The following NKAIN2 variants were observed in gnomAD, a reference collection of about 807,000 sequenced individuals.
NKAIN2 encodes the protein sodium/potassium transporting ATPase interacting 2, also known as sodium/potassium-transporting ATPase subunit beta-1-interacting protein 2.
A neutral mutation model predicts 32.6 loss-of-function variants in NKAIN2; 14 were observed. The observed-to-expected ratio is 0.43, with a 90% CI of 0.28 to 0.67. The LOEUF is 0.67. Ranked by LOEUF, NKAIN2 falls within the 30% of genes least tolerant of loss-of-function variation. NKAIN2 has a pLI of 0.17. For missense variants in NKAIN2, 198 were observed against 258.3 expected, an observed-to-expected ratio of 0.77 and a Z score of 1.60; for synonymous variants, 80 against 87.2, an observed-to-expected ratio of 0.92 and a Z score of 0.46.
At chr6:123,987,830 G>A (rs568776836) in intron 1 of NKAIN2, among the ~76,000 whole-genome samples, 6 of 152,110 alleles carry the variant, frequency 3.9e-5, no homozygotes, top group Non-Finnish European at 8.8e-5. Flanking sequence ...AGATAATTCT[G>A]TTATCTTTTA....
chr6:123,825,423 G>A (rs1051523716), intron 1 of NKAIN2, among the ~76,000 whole-genome samples: 1 of 152,104 alleles, frequency 6.6e-6, no homozygotes, highest in Non-Finnish European at 1.5e-5. Context: ...TGAAAAATCT[G>A]TTTTCAGAGT....
chr6:124,526,264 G>C (rs1175895837), intron 3 of NKAIN2, among the ~76,000 whole-genome samples: 1 of 152,152 alleles, frequency 6.6e-6, no homozygotes, highest in Non-Finnish European at 1.5e-5. Context: ...GAGGTGGGGA[G>C]AATAGCAGCT....
intron 5 of NKAIN2, among the ~76,000 whole-genome samples, chr6:124,818,029 G>A (rs1158248226): frequency 6.6e-6 from 1 of 152,094 alleles, no homozygotes; most frequent in African/African-American, 2.4e-5. Flanking sequence ...TTTGTAGCAT[G>A]TCACAGAAAA....
intron 2 of NKAIN2, among the ~76,000 whole-genome samples, chr6:124,354,768 A>AT (rs978852632): frequency 2.1e-5 from 3 of 146,068 alleles, no homozygotes; most frequent in East Asian, 2.0e-4. Flanking sequence ...GTGGATTACT[A>AT]TTTTTTTTGT....
intron 1 of NKAIN2, among the ~76,000 whole-genome samples, chr6:124,243,619 A>T (rs140617239): frequency 1.3e-5 from 2 of 152,148 alleles, no homozygotes; most frequent in Non-Finnish European, 2.9e-5. Context: ...ATTGTTGGTA[A>T]CTATGGCCTT....
chr6:123,978,272 G>A (rs1031827937), intron 1 of NKAIN2, among the ~76,000 whole-genome samples: 7 of 152,110 alleles, frequency 4.6e-5, no homozygotes, highest in African/African-American at 1.7e-4. Context: ...GGACTACAAA[G>A]AATTTGTCTT....
At chr6:124,639,175 C>G (rs1029345183) in intron 3 of NKAIN2, among the ~76,000 whole-genome samples, 1 of 151,994 alleles carries the variant, frequency 6.6e-6, no homozygotes, top group Non-Finnish European at 1.5e-5. Context: ...ATGTAGTTTC[C>G]TCAAAAAACT....
intron 1 of NKAIN2, among the ~76,000 whole-genome samples, chr6:123,976,386 T>G (rs1441438863): frequency 2.1e-5 from 1 of 47,388 alleles, no homozygotes. Context: ...TATATATATA[T>G]ATATATATAT....
At chr6:124,288,212 T>C (rs1416019182) in intron 2 of NKAIN2, among the ~76,000 whole-genome samples, 1 of 152,164 alleles carries the variant, frequency 6.6e-6, no homozygotes, top group Non-Finnish European at 1.5e-5. Flanking sequence ...TTCAAACTCA[T>C]ATGGAAAGGA....
rs1355357307 is a variant in NKAIN2, at chr6:123,850,036, G to A, written c.54+45782G>A. Among the ~76,000 whole-genome samples the A allele has an allele frequency of 7.0e-5, 10 of 142,890 alleles. No individual in the cohort carries two copies. The East Asian group carries it at 2.0e-3, about 29-fold the overall frequency. The allele number at this position is 142,890 out of a possible 152,430, so 93.7% of individuals were successfully genotyped here. A position where few individuals can be genotyped will look rare whatever the true frequency, so the allele number is the denominator to read the frequency against. The stretch of plus-strand genomic sequence containing the variant: ...TTGCCCAGGCTGGTCTCCAACTCCT[G>A]GGCTTAAGCAGTCCTCCTGCCTCAG... On this transcript the variant is annotated intron_variant, in intron 1 of 6. Transcript: ENST00000368417.
chr6:123,873,976 A>G (rs749051070), intron 1 of NKAIN2, among the ~76,000 whole-genome samples: 1 of 152,124 alleles, frequency 6.6e-6, no homozygotes, highest in Non-Finnish European at 1.5e-5. Context: ...GACATACAGG[A>G]GGAGCAAGAA....
In NKAIN2 at chr6:123,832,067, C is replaced by A. The variant is rs190793802; in HGVS notation, c.54+27813C>A. Reference sequence around the variant, plus strand: ...TGGACAAATGCATAGTGGCCAGTATCCATCATTATAGTATCATGCAGAGTA... The same window carrying A: ...TGGACAAATGCATAGTGGCCAGTATACATCATTATAGTATCATGCAGAGTA... On this transcript the variant is annotated intron_variant, in intron 1 of 6. Transcript: ENST00000368417. Among the ~76,000 whole-genome samples the A allele has an allele frequency of 2.0e-5, 3 of 152,252 alleles. No homozygotes were observed. In the East Asian group the frequency reaches 5.8e-4, roughly 29 times the overall value.
intron 1 of NKAIN2, among the ~76,000 whole-genome samples, chr6:124,144,187 A>T (rs532422714): frequency 6.6e-6 from 1 of 152,326 alleles, no homozygotes; most frequent in South Asian, 2.1e-4. Flanking sequence ...TCTTGAATTT[A>T]TATATGAAAA....
At chr6:124,300,306 C>T (rs544900704) in intron 2 of NKAIN2, among the ~76,000 whole-genome samples, 1 of 152,126 alleles carries the variant, frequency 6.6e-6, no homozygotes, top group Non-Finnish European at 1.5e-5. Context: ...TGTCTCTTTG[C>T]CTGCTGCCAC....
At chr6:124,613,040 T>C (rs968202847) in intron 3 of NKAIN2, among the ~76,000 whole-genome samples, 2 of 152,152 alleles carry the variant, frequency 1.3e-5, no homozygotes, top group Non-Finnish European at 1.5e-5. Flanking sequence ...AGGACTAGAA[T>C]GTCACTTTTT....
intron 3 of NKAIN2, among the ~76,000 whole-genome samples, chr6:124,575,370 C>T (rs943755503): frequency 1.3e-5 from 2 of 152,202 alleles, no homozygotes; most frequent in South Asian, 2.1e-4. Context: ...ACTGTCTTCT[C>T]TTTTATAATG....
At chr6:124,176,179 C>T (rs113291223) in intron 1 of NKAIN2, among the ~76,000 whole-genome samples, 2 of 152,248 alleles carry the variant, frequency 1.3e-5, no homozygotes, top group African/African-American at 4.8e-5. Context: ...CTTTAAAATA[C>T]TTTATTGTAA....
intron 3 of NKAIN2, among the ~76,000 whole-genome samples, chr6:124,435,853 A>G (rs1395184307): frequency 6.6e-6 from 1 of 152,188 alleles, no homozygotes; most frequent in Non-Finnish European, 1.5e-5. Context: ...TATAGTCCAA[A>G]CAGACACAGT....
At chr6:124,635,105 A>G (rs562060527) in intron 3 of NKAIN2, among the ~76,000 whole-genome samples, 1 of 152,120 alleles carries the variant, frequency 6.6e-6, no homozygotes, top group African/African-American at 2.4e-5. Flanking sequence ...AGAAAGAGAA[A>G]GAAAGAGCTA....
Sources: allele counts gnomAD v4.1 joint callset (sites outside exome capture counted in the v4.1 genomes callset), GRCh38; gene constraint gnomAD v4.1.1; transcripts MANE v1.5; gene names NCBI Gene and HGNC (gene_info 2026-07-23, HGNC 2026-07-21).